Variants in RGS20 observed in about 807,000 individuals in gnomAD.
RGS20 encodes the protein gz-selective GTPase-activating protein.
RGS20 carries 30 observed loss-of-function variants against 33.6 expected under a neutral mutation model. That is an observed-to-expected ratio of 0.89 (90% CI 0.67 to 1.21). The LOEUF is 1.21. RGS20 is among the 50% of genes most tolerant of loss of function. The pLI, the probability that RGS20 is intolerant of heterozygous loss-of-function variation, is 0.00. For missense variants in RGS20, 472 were observed against 502.4 expected, an observed-to-expected ratio of 0.94 and a Z score of 0.58; for synonymous variants, 208 against 197.9, an observed-to-expected ratio of 1.05 and a Z score of -0.43.
At chr8:53,869,999 A>T (rs1029413754) in intron 1 of RGS20, among the ~76,000 whole-genome samples, 4 of 152,178 alleles carry the variant, frequency 2.6e-5, no homozygotes, top group African/African-American at 7.2e-5. Flanking sequence ...CAGCTTACCC[A>T]GATGTTGGGC....
At chr8:53,934,468 T>A (rs1472179855) in intron 2 of RGS20, among the ~76,000 whole-genome samples, 1 of 152,130 alleles carries the variant, frequency 6.6e-6, no homozygotes, top group Non-Finnish European at 1.5e-5. Flanking sequence ...TAGTCTCTGA[T>A]AAAACAGACT....
At chr8:53,892,701 G>C (rs1284001524) in intron 2 of RGS20, among the ~76,000 whole-genome samples, 2 of 152,198 alleles carry the variant, frequency 1.3e-5, no homozygotes, top group Non-Finnish European at 2.9e-5. Flanking sequence ...GAGGGTTCAA[G>C]AGAGTATCAG....
chr8:53,957,994 G>C (rs1396076365), intron 5 of RGS20, among the ~76,000 whole-genome samples: 2 of 151,984 alleles, frequency 1.3e-5, no homozygotes, highest in Admixed American at 6.6e-5. Flanking sequence ...AAGTTAGCCG[G>C]GTGTGGTGGT....
chr8:53,916,757 C>T (rs951794906), intron 2 of RGS20, among the ~76,000 whole-genome samples: 11 of 152,132 alleles, frequency 7.2e-5, no homozygotes, highest in Non-Finnish European at 1.3e-4. Context: ...GGCCGGGTGG[C>T]TCAAACGACC....
intron 1 of RGS20, among the ~76,000 whole-genome samples, chr8:53,872,901 A>C (rs566591536): frequency 1.2e-4 from 18 of 152,240 alleles, no homozygotes; most frequent in African/African-American, 4.3e-4. Context: ...ATACAATTCA[A>C]TGGCACTATC....
chr8:53,933,348 G>T (rs556333358), intron 2 of RGS20, among the ~76,000 whole-genome samples: 1 of 152,172 alleles, frequency 6.6e-6, no homozygotes, highest in East Asian at 1.9e-4. Flanking sequence ...ATGAAAGGAA[G>T]CTAAGAACCT....
At chr8:53,857,789 A>T (rs1243764837) in intron 1 of RGS20, among the ~76,000 whole-genome samples, 1 of 152,248 alleles carries the variant, frequency 6.6e-6, no homozygotes, top group Non-Finnish European at 1.5e-5. Context: ...GCTGAAAAAA[A>T]TCTGAAATCC....
intron 3 of RGS20, among the ~76,000 whole-genome samples, chr8:53,944,464 G>A (rs1228317040): frequency 4.0e-5 from 6 of 151,892 alleles, no homozygotes; most frequent in African/African-American, 7.3e-5. Flanking sequence ...CTTAAACCCG[G>A]GAGGCGGAGG....
Position 53,959,056 on chromosome 8 carries a change from A to C in RGS20, c.*598A>C, listed in dbSNP as rs1814959486. The stretch of plus-strand genomic sequence containing the variant: ...GTGGATGTCTACATGGTTAATGGAA[A>C]GCACTGTGCTCTGAAGTGGATCAGT... On this transcript the variant is annotated 3_prime_UTR_variant, in exon 6 of 6. Coordinates refer to ENST00000297313, the MANE Select transcript of RGS20 (RefSeq NM_170587.4). 6.6e-6 allele frequency: 1 copy of C among 152,220 alleles called. No homozygotes were observed. The allele number at this position is 152,220 out of a possible 1,614,324, so 9.4% of individuals were successfully genotyped here. A position where few individuals can be genotyped will look rare whatever the true frequency, so the allele number is the denominator to read the frequency against.
At chr8:53,912,024 A>C (rs1396279511) in intron 2 of RGS20, among the ~76,000 whole-genome samples, 1 of 152,172 alleles carries the variant, frequency 6.6e-6, no homozygotes, top group Non-Finnish European at 1.5e-5. Flanking sequence ...AACTGGACAA[A>C]GATGGCCAAA....
chr8:53,881,155 G>T, intron 2 of RGS20, 71 bp downstream of exon 1: 1 of 1,201,974 alleles, frequency 8.3e-7, no homozygotes, highest in Non-Finnish European at 1.1e-6. Flanking sequence ...GCTGGAAAGT[G>T]GCCGAGGCTG....
chr8:53,928,359 AT>A (rs1288291364), intron 2 of RGS20, among the ~76,000 whole-genome samples: 2 of 152,134 alleles, frequency 1.3e-5, no homozygotes, highest in African/African-American at 2.4e-5. Flanking sequence ...TTAATTTAGA[AT>A]TTTTTTGTAC....
chr8:53,901,474 C>T (rs1813029902), intron 2 of RGS20, among the ~76,000 whole-genome samples: 1 of 152,158 alleles, frequency 6.6e-6, no homozygotes, highest in Non-Finnish European at 1.5e-5. Context: ...GACATTTCCC[C>T]ACAGAAATTC....
At chr8:53,856,159 C>T (rs561365809) in intron 1 of RGS20, among the ~76,000 whole-genome samples, 6 of 152,124 alleles carry the variant, frequency 3.9e-5, no homozygotes, top group South Asian at 2.1e-4. Flanking sequence ...CAAAATCCCA[C>T]GCACCTGCAC....
Position 53,958,615 on chromosome 8 carries a change from C to CT in RGS20, c.*157_*158insT, listed in dbSNP as rs1814946174. On this transcript the variant is annotated 3_prime_UTR_variant, in exon 6 of 6. Coordinates refer to ENST00000297313, the MANE Select transcript of RGS20 (RefSeq NM_170587.4). Reference sequence around the variant, plus strand: ...CTTCAACAGACTGCTATATATTCACCATGTAAACTGCAGCCACCTTTAGTG... The same window carrying CT: ...CTTCAACAGACTGCTATATATTCACCTATGTAAACTGCAGCCACCTTTAGTG... 1 of 368,292 alleles carries CT rather than the reference C, an allele frequency of 2.7e-6. No homozygotes were observed. Among genetic ancestry groups the CT allele is most frequent in the Non-Finnish European group, 4.7e-6 (1 of 213,926 alleles). 22.8% of individuals were successfully genotyped at this position (368,292 alleles called of 1,614,324 possible). A position where few individuals can be genotyped will look rare whatever the true frequency, so the allele number is the denominator to read the frequency against.
At chr8:53,868,614 A>G (rs1585867868) in intron 1 of RGS20, among the ~76,000 whole-genome samples, 2 of 152,246 alleles carry the variant, frequency 1.3e-5, no homozygotes, top group South Asian at 4.1e-4. Flanking sequence ...ATGTGTTTTT[A>G]TAGGGTTCTA....
intron 1 of RGS20, among the ~76,000 whole-genome samples, chr8:53,867,055 G>A (rs1357745218): frequency 2.0e-5 from 3 of 152,076 alleles, no homozygotes; most frequent in African/African-American, 7.2e-5. Context: ...AGGCCCAGGC[G>A]AGTACAGAGA....
chr8:53,880,878 A>G, intron 2 of RGS20: 1 of 1,458,766 alleles, frequency 6.9e-7, no homozygotes, highest in Admixed American at 2.4e-5. Flanking sequence ...AGGCAGAGCA[A>G]GGGGAGGAAG....
At chr8:53,852,121 G>T in intron 1 of RGS20, 1 of 1,478,042 alleles carries the variant, frequency 6.8e-7, no homozygotes, top group East Asian at 2.3e-5. Context: ...TGTTTACCCA[G>T]AAAGAATATA....
Sources: gnomAD v4.1 joint callset for allele counts (sites outside exome capture counted in the v4.1 genomes callset) on GRCh38, gnomAD v4.1.1 for gene constraint, MANE v1.5 for transcripts, NCBI Gene and HGNC (gene_info 2026-07-23, HGNC 2026-07-21) for gene names.